PIAS1: variants seen among roughly 807,000 people sequenced by gnomAD.
PIAS1 encodes protein inhibitor of activated STAT 1.
A neutral mutation model predicts 71.3 loss-of-function variants in PIAS1; 6 were observed. The observed-to-expected ratio is 0.08, with a 90% CI of 0.05 to 0.17. PIAS1 has a LOEUF of 0.17. Ranked by LOEUF, PIAS1 falls within the 10% of genes least tolerant of loss-of-function variation. The pLI, the probability that PIAS1 is intolerant of heterozygous loss-of-function variation, is 1.00. For missense variants in PIAS1, 555 were observed against 793.6 expected (o/e 0.70, Z 3.61); for synonymous variants, 303 against 292.9 (o/e 1.03, Z -0.35).
At position 68,188,781 on chromosome 15, in the gene PIAS1, CCA is replaced by C. The variant is rs747755181; in HGVS notation, c.*949_*950del. ...GTCTGTGAATACCTGCTTTTTTTGG[CCA>C]CAGAGTAACAAGTTTTCATGTAAGA... is the stretch of plus-strand genomic sequence containing the variant. On this transcript the variant is annotated 3_prime_UTR_variant, in exon 14 of 14. Transcript: ENST00000249636. The C allele has an allele frequency of 1.3e-5, 2 of 151,988 alleles. No individual in the cohort carries two copies. Among genetic ancestry groups the C allele is most frequent in the Non-Finnish European group, 2.9e-5 (2 of 67,960 alleles). 9.4% of individuals were successfully genotyped at this position (151,988 alleles called of 1,614,324 possible).
intron 1 of PIAS1, among the ~76,000 whole-genome samples, chr15:68,062,968 G>A (rs1402405875): frequency 6.6e-6 from 1 of 152,136 alleles, no homozygotes; most frequent in Non-Finnish European, 1.5e-5. Context: ...GAATTTATCA[G>A]TGTATATGGT....
chr15:68,117,014 A>G (rs559390210), intron 2 of PIAS1, among the ~76,000 whole-genome samples: 1 of 152,244 alleles, frequency 6.6e-6, no homozygotes, highest in Admixed American at 6.5e-5. Flanking sequence ...TTAAACATTC[A>G]TTGTCTGTTT....
intron 7 of PIAS1, among the ~76,000 whole-genome samples, chr15:68,162,371 A>T (rs899808153): frequency 6.6e-6 from 1 of 152,138 alleles, no homozygotes; most frequent in African/African-American, 2.4e-5. Context: ...ATTGCTTGCT[A>T]TGTCTATAAA....
chr15:68,088,176 G>GTATGTGTATATATA (rs1555424823), intron 2 of PIAS1, among the ~76,000 whole-genome samples: 11 of 72,996 alleles, frequency 1.5e-4, no homozygotes, highest in African/African-American at 6.2e-4. Flanking sequence ...TTATGTGTGT[G>GTATGTGTATATATA]TATATATATA....
At chr15:68,120,263 A>G (rs1377850225) in intron 2 of PIAS1, among the ~76,000 whole-genome samples, 1 of 151,030 alleles carries the variant, frequency 6.6e-6, no homozygotes, top group African/African-American at 2.4e-5. Flanking sequence ...TAACTCTCTC[A>G]TATCTGCCAG....
At chr15:68,130,555 A>G (rs892861943) in intron 2 of PIAS1, among the ~76,000 whole-genome samples, 3 of 151,876 alleles carry the variant, frequency 2.0e-5, no homozygotes, top group African/African-American at 7.2e-5. Flanking sequence ...TTGCTGGTAA[A>G]TTCTTCAGAA....
chr15:68,183,820 A>G (rs1447059650), intron 13 of PIAS1, among the ~76,000 whole-genome samples, 153 bp downstream of exon 13: 2 of 152,212 alleles, frequency 1.3e-5, no homozygotes, highest in Non-Finnish European at 2.9e-5. Flanking sequence ...TAGCCATGGT[A>G]ACATTGTAGC....
intron 4 of PIAS1, 131 bp downstream of exon 4, chr15:68,142,468 G>T: frequency 1.4e-6 from 1 of 690,470 alleles, no homozygotes; most frequent in East Asian, 2.8e-5. Flanking sequence ...TCCTTATCAG[G>T]AAGGGGAAAT....
intron 2 of PIAS1, among the ~76,000 whole-genome samples, chr15:68,129,685 C>G (rs1381483206): frequency 6.6e-6 from 1 of 151,852 alleles, no homozygotes; most frequent in African/African-American, 2.4e-5. Flanking sequence ...ATAGTGGATA[C>G]TTTGCAGACA....
Position 68,054,340 on chromosome 15 carries a change from C to T in PIAS1, c.14C>T (p.Ala5Val), listed in dbSNP as rs865886441. ...GACAGACGCAAGATGGCGGACAGTGCGGAACTAAAGGTAAAGCGCAGCTCG... is the reference window on the plus strand; with the variant it reads ...GACAGACGCAAGATGGCGGACAGTGTGGAACTAAAGGTAAAGCGCAGCTCG... MADS[A>V]ELKQMVMSLR... Residue 5 changes from alanine (A) to valine (V), a missense_variant, in exon 1 of 14, where the codon GCG (alanine) becomes GTG (valine). Ala to Val is a moderately conservative substitution (Grantham distance 64). Transcript: ENST00000249636. This position sits in a 1 kb window ranked among gnomAD's most constrained non-coding sequence, Gnocchi z 4.6. 4.4e-6 allele frequency: 7 copies of T among 1,577,424 alleles called. No individual in the cohort carries two copies. Among genetic ancestry groups the T allele is most frequent in the African/African-American group, 2.7e-5 (2 of 73,792 alleles).
At chr15:68,096,340 C>A (rs117911561) in intron 2 of PIAS1, among the ~76,000 whole-genome samples, 1 of 151,652 alleles carries the variant, frequency 6.6e-6, no homozygotes, top group Non-Finnish European at 1.5e-5. Context: ...CTTTGTAATA[C>A]GTTTTGAAAT....
At chr15:68,096,485 A>G (rs1429885626) in intron 2 of PIAS1, among the ~76,000 whole-genome samples, 1 of 151,328 alleles carries the variant, frequency 6.6e-6, no homozygotes, top group East Asian at 1.9e-4. Context: ...TGAGATTTTG[A>G]TAAAGATTAC....
chr15:68,104,078 T>C (rs2092450330), intron 2 of PIAS1, among the ~76,000 whole-genome samples: 1 of 152,346 alleles, frequency 6.6e-6, no homozygotes, highest in African/African-American at 2.4e-5. Flanking sequence ...CGCATTTCTC[T>C]CCACATCCTT....
chr15:68,168,569 AT>A (rs1480361750), intron 8 of PIAS1, among the ~76,000 whole-genome samples: 2 of 152,212 alleles, frequency 1.3e-5, no homozygotes, highest in African/African-American at 4.8e-5. Context: ...GAAAGGAAGA[AT>A]TTGTAATCAC....
At position 68,091,027 on chromosome 15, in the gene PIAS1, G is replaced by GT. The variant is rs2092328688; in HGVS notation, c.469+4278dup. On this transcript the variant is annotated intron_variant, in intron 2 of 13. Coordinates refer to ENST00000249636, the MANE Select transcript of PIAS1 (RefSeq NM_016166.3). ...AGCTCACGTAACCTGGCAGCCGCAT[G>GT]TATTATTGATCCATATAAATAATGG... is the stretch of plus-strand genomic sequence containing the variant. Among the ~76,000 whole-genome samples, 2 of 151,476 alleles carry GT rather than the reference G, an allele frequency of 1.3e-5. 1 individual carries two copies. Among genetic ancestry groups the GT allele is most frequent in the African/African-American group, 4.9e-5 (2 of 41,216 alleles).
chr15:68,118,860 T>C (rs2092588372), intron 2 of PIAS1, among the ~76,000 whole-genome samples: 1 of 151,754 alleles, frequency 6.6e-6, no homozygotes, highest in Admixed American at 6.6e-5. Context: ...GAAAAAAACA[T>C]AGGAGAAAAG....
At chr15:68,153,539 G>A (rs1217616424) in intron 6 of PIAS1, 51 bp from the exon 7 acceptor site, 14 of 791,468 alleles carry the variant, frequency 1.8e-5, no homozygotes, top group South Asian at 4.7e-5. Context: ...TAAAATAGAT[G>A]TACTATTTAC....
At chr15:68,116,448 A>G (rs1251213317) in intron 2 of PIAS1, among the ~76,000 whole-genome samples, 2 of 152,150 alleles carry the variant, frequency 1.3e-5, no homozygotes, top group Admixed American at 6.5e-5. Flanking sequence ...TATTCCTGAT[A>G]TCGACAATCT....
chr15:68,131,624 C>T (rs2092688443), intron 2 of PIAS1, among the ~76,000 whole-genome samples: 3 of 152,186 alleles, frequency 2.0e-5, no homozygotes, highest in Non-Finnish European at 4.4e-5. Flanking sequence ...GCTAATTTCA[C>T]TTAATAAGCA....
Sources: gnomAD v4.1 joint callset for allele counts (sites outside exome capture counted in the v4.1 genomes callset) on GRCh38, gnomAD v4.1.1 for gene constraint, Gnocchi (gnomAD v3.1) non-coding constraint, MANE v1.5 for transcripts, NCBI Gene and HGNC (gene_info 2026-07-23, HGNC 2026-07-21) for gene names.